PRMT3: variants seen among roughly 807,000 people sequenced by gnomAD.
PRMT3 encodes protein arginine methyltransferase 3, also known as protein arginine N-methyltransferase 3.
A neutral mutation model predicts 71.9 loss-of-function variants in PRMT3; 62 were observed. That is an observed-to-expected ratio of 0.86 (90% CI 0.70 to 1.07). The LOEUF (loss-of-function observed/expected upper bound fraction) is 1.07, where lower values mean the gene tolerates loss of function less well. Ranked by LOEUF, PRMT3 falls within the 50% of genes least tolerant of loss-of-function variation. PRMT3 has a pLI of 0.00. For missense variants in PRMT3, 663 were observed against 643.0 expected, an observed-to-expected ratio of 1.03 and a Z score of -0.34; for synonymous variants, 213 against 220.4, an observed-to-expected ratio of 0.97 and a Z score of 0.30.
chr11:20,391,444 T>C (rs1848712601), intron 3 of PRMT3, among the ~76,000 whole-genome samples: 1 of 152,140 alleles, frequency 6.6e-6, no homozygotes, highest in South Asian at 2.1e-4. Context: ...GGTTTCTCCA[T>C]GTTGGTCAGG....
intron 15 of PRMT3, 107 bp downstream of exon 15, chr11:20,494,361 C>G: frequency 1.0e-6 from 1 of 976,948 alleles, no homozygotes; most frequent in Admixed American, 2.3e-5. Flanking sequence ...TTTTTTGAGA[C>G]GGAGTCTCGC....
chr11:20,426,234 C>T (rs1849542395), intron 9 of PRMT3, among the ~76,000 whole-genome samples: 1 of 152,168 alleles, frequency 6.6e-6, no homozygotes, highest in Admixed American at 6.5e-5. Flanking sequence ...ATTTGATCCT[C>T]TTAATAGCCT....
intron 11 of PRMT3, among the ~76,000 whole-genome samples, chr11:20,455,883 T>C (rs1248948995): frequency 6.6e-6 from 1 of 151,172 alleles, no homozygotes; most frequent in Non-Finnish European, 1.5e-5. Flanking sequence ...ACACAATAAA[T>C]TGTACACTGT....
intron 9 of PRMT3, among the ~76,000 whole-genome samples, chr11:20,413,495 A>G (rs879823507): frequency 2.0e-5 from 3 of 152,176 alleles, no homozygotes; most frequent in East Asian, 3.9e-4. Context: ...CAGGAATTGT[A>G]TCCGTTATGA....
Position 20,464,479 on chromosome 11 carries a change from C to A in PRMT3, c.1280C>A (p.Thr427Lys). Residue 427 changes from threonine (T) to lysine (K), a missense_variant, in exon 13 of 16, where the codon ACG becomes AAG. Physicochemically the swap from Thr to Lys is moderately conservative, Grantham distance 78 (BLOSUM62 -1). Transcript: ENST00000331079. Reference sequence around the variant, plus strand: ...GGGTAGCATATAGATTGCCATACGACGTCTATCTCAGATTTGGAATTTTCA... The same window carrying A: ...GGGTAGCATATAGATTGCCATACGAAGTCTATCTCAGATTTGGAATTTTCA... ...CGIKHIDCHT[T>K]SISDLEFSSD... 1 of 1,608,958 alleles carries A rather than the reference C, an allele frequency of 6.2e-7. No homozygotes were observed. Among genetic ancestry groups the A allele is most frequent in the Admixed American group, 1.7e-5 (1 of 59,558 alleles).
At chr11:20,399,024 A>G (rs578001244) in intron 7 of PRMT3, among the ~76,000 whole-genome samples, 17 of 152,330 alleles carry the variant, frequency 1.1e-4, no homozygotes, top group Middle Eastern at 3.4e-3. Flanking sequence ...TATAGATTGT[A>G]AAATAGGAAG....
At chr11:20,443,544 A>G (rs1256701510) in intron 10 of PRMT3, among the ~76,000 whole-genome samples, 1 of 152,194 alleles carries the variant, frequency 6.6e-6, no homozygotes, top group Admixed American at 6.5e-5. Flanking sequence ...TGTCCCTGAT[A>G]ATGTTTTTAA....
intron 13 of PRMT3, among the ~76,000 whole-genome samples, chr11:20,477,608 G>A (rs1387542386): frequency 6.6e-6 from 1 of 151,968 alleles, no homozygotes; most frequent in African/African-American, 2.4e-5. Flanking sequence ...TGTTCTTGAC[G>A]GGAGGGTATT....
chr11:20,506,237 A>T (rs1223124565), intron 15 of PRMT3, among the ~76,000 whole-genome samples: 2 of 152,216 alleles, frequency 1.3e-5, no homozygotes, highest in Non-Finnish European at 2.9e-5. Flanking sequence ...GATTAACCTG[A>T]ACTCCATAAA....
intron 10 of PRMT3, among the ~76,000 whole-genome samples, chr11:20,437,272 T>C (rs1849780163): frequency 6.6e-6 from 1 of 152,222 alleles, no homozygotes; most frequent in Admixed American, 6.5e-5. Flanking sequence ...TCATTTCTGC[T>C]CTGACCTTTG....
chr11:20,461,186 T>C (rs1850375464), intron 11 of PRMT3, among the ~76,000 whole-genome samples: 1 of 152,218 alleles, frequency 6.6e-6, no homozygotes, highest in South Asian at 2.1e-4. Context: ...ATCCCATCTA[T>C]TGTGACCCTT....
chr11:20,505,750 C>T (rs904426688), intron 15 of PRMT3, among the ~76,000 whole-genome samples: 2 of 151,500 alleles, frequency 1.3e-5, no homozygotes, highest in African/African-American at 4.9e-5. Flanking sequence ...TTATTTCTTC[C>T]TTAGGTTAAT....
intron 9 of PRMT3, among the ~76,000 whole-genome samples, chr11:20,418,590 G>A (rs762764463): frequency 2.0e-4 from 30 of 151,830 alleles, no homozygotes; most frequent in Non-Finnish European, 2.9e-4. Flanking sequence ...ATCTTGTTTC[G>A]GCATAACCAT....
intron 5 of PRMT3, among the ~76,000 whole-genome samples, chr11:20,395,430 G>A (rs1320875874): frequency 3.3e-5 from 5 of 151,900 alleles, no homozygotes; most frequent in Non-Finnish European, 7.4e-5. Context: ...TGCAACCTCC[G>A]CTTCCGAGGT....
At chr11:20,487,043 T>A (rs1851090905) in intron 13 of PRMT3, among the ~76,000 whole-genome samples, 1 of 129,542 alleles carries the variant, frequency 7.7e-6, no homozygotes, top group South Asian at 2.9e-4. Context: ...GGCAATAGAG[T>A]GAGACTCCAT....
At chr11:20,443,632 G>C (rs1457989506) in intron 10 of PRMT3, among the ~76,000 whole-genome samples, 3 of 152,106 alleles carry the variant, frequency 2.0e-5, no homozygotes, top group Non-Finnish European at 4.4e-5. Flanking sequence ...ATGGGGGATT[G>C]GGAATATTGT....
intron 13 of PRMT3, among the ~76,000 whole-genome samples, chr11:20,476,358 C>T (rs966433261): frequency 6.6e-6 from 1 of 152,076 alleles, no homozygotes; most frequent in African/African-American, 2.4e-5. Context: ...ATCTCAAAAA[C>T]AAAACATATT....
chr11:20,425,330 T>C (rs1355670564), intron 9 of PRMT3, among the ~76,000 whole-genome samples: 2 of 152,200 alleles, frequency 1.3e-5, no homozygotes, highest in Non-Finnish European at 2.9e-5. Flanking sequence ...GGAATGCACA[T>C]GTATTACTGC....
intron 13 of PRMT3, among the ~76,000 whole-genome samples, chr11:20,479,214 C>T (rs1230107577): frequency 2.0e-5 from 3 of 152,126 alleles, no homozygotes; most frequent in African/African-American, 7.2e-5. Flanking sequence ...AAACCTGAAC[C>T]TTTGTAGCTG....
Sources: gnomAD v4.1 joint callset for allele counts (sites outside exome capture counted in the v4.1 genomes callset) on GRCh38, gnomAD v4.1.1 for gene constraint, MANE v1.5 for transcripts, NCBI Gene and HGNC (gene_info 2026-07-23, HGNC 2026-07-21) for gene names.